Variants in DLGAP2 observed in about 807,000 individuals in gnomAD.
DLGAP2 encodes disks large-associated protein 2.
In DLGAP2, 26 loss-of-function variants were observed where a neutral mutation model predicts 100.3. That is an observed-to-expected ratio of 0.26 (90% confidence interval 0.19 to 0.36). The LOEUF is 0.36. DLGAP2 is among the 10% of genes least tolerant of loss of function. The pLI, the probability that DLGAP2 is intolerant of heterozygous loss-of-function variation, is 1.00. For missense variants in DLGAP2, 1,858 were observed against 1,453.2 expected (o/e 1.28, Z -4.53); for synonymous variants, 886 against 630.1 (o/e 1.41, Z -6.08).
intron 12 of DLGAP2, among the ~76,000 whole-genome samples, chr8:1,689,973 G>T (rs999347260): frequency 6.6e-6 from 1 of 152,326 alleles, no homozygotes; most frequent in South Asian, 2.1e-4. Flanking sequence ...GGTTCCAGTC[G>T]ATTCCTGTGT....
intron 2 of DLGAP2, among the ~76,000 whole-genome samples, chr8:946,082 G>A (rs544311427): frequency 5.5e-5 from 6 of 110,090 alleles, no homozygotes; most frequent in Admixed American, 5.4e-4. Context: ...CCTGTGCTCA[G>A]CACCCCCATT....
chr8:934,828 C>T (rs542937332), intron 2 of DLGAP2, among the ~76,000 whole-genome samples: 5 of 152,264 alleles, frequency 3.3e-5, no homozygotes, highest in South Asian at 2.1e-4. Flanking sequence ...ACAGATCAGA[C>T]GCACAGGTGT....
intron 2 of DLGAP2, among the ~76,000 whole-genome samples, chr8:973,093 G>T (rs1163866857): frequency 1.3e-5 from 2 of 152,172 alleles, no homozygotes; most frequent in Admixed American, 6.5e-5. Flanking sequence ...CGACAAAACC[G>T]CCATCGTCAT....
At chr8:1,562,480 G>T (rs145917424) in intron 5 of DLGAP2, among the ~76,000 whole-genome samples, 8 of 31,086 alleles carry the variant, frequency 2.6e-4, no homozygotes, top group Admixed American at 4.5e-4. Flanking sequence ...TTGGGGTGTC[G>T]GCGCCTCGTT....
intron 3 of DLGAP2, among the ~76,000 whole-genome samples, chr8:1,268,147 A>G (rs1799506199): frequency 1.3e-5 from 2 of 152,308 alleles, no homozygotes; most frequent in South Asian, 2.1e-4. Flanking sequence ...ATAATATCCA[A>G]TATCAGAGGT....
intron 1 of DLGAP2, among the ~76,000 whole-genome samples, chr8:836,069 A>T (rs941641732): frequency 6.6e-6 from 1 of 152,188 alleles, no homozygotes; most frequent in Non-Finnish European, 1.5e-5. Flanking sequence ...TGTAAAGGAC[A>T]CCCGCAGCCA....
chr8:1,045,963 A>G (rs1452468821), intron 2 of DLGAP2, among the ~76,000 whole-genome samples: 1 of 152,174 alleles, frequency 6.6e-6, no homozygotes, highest in Non-Finnish European at 1.5e-5. Flanking sequence ...TTCAAAGTGA[A>G]GGGGGCAAGA....
chr8:1,094,022 T>TCGCGGTGGGTGGAGGGAGGGCAGCTC (rs1804283884), intron 2 of DLGAP2, among the ~76,000 whole-genome samples: 2 of 148,898 alleles, frequency 1.3e-5, no homozygotes, highest in South Asian at 2.1e-4. Flanking sequence ...GAGGGCAGCT[T>TCGCGGTGGGTGGAGGGAGGGCAGCTC]CGCGGTGGGT....
intron 2 of DLGAP2, among the ~76,000 whole-genome samples, chr8:1,107,362 G>A (rs185070897): frequency 8.0e-4 from 122 of 152,310 alleles, no homozygotes; most frequent in South Asian, 7.3e-3. Context: ...CTGAGCCCCC[G>A]CACCCGGGCC....
intron 2 of DLGAP2, among the ~76,000 whole-genome samples, chr8:1,135,067 C>T (rs1032408255): frequency 6.6e-6 from 1 of 152,200 alleles, no homozygotes; most frequent in Non-Finnish European, 1.5e-5. Flanking sequence ...TTCCTCCATT[C>T]TTGTCACTGA....
chr8:948,418 A>G (rs1170511554), intron 2 of DLGAP2, among the ~76,000 whole-genome samples: 1 of 152,140 alleles, frequency 6.6e-6, no homozygotes, highest in Non-Finnish European at 1.5e-5. Flanking sequence ...GAAGCGGGCG[A>G]CAGGGTCCCA....
intron 2 of DLGAP2, among the ~76,000 whole-genome samples, chr8:1,241,291 C>T (rs1278470463): frequency 6.6e-6 from 1 of 151,808 alleles, no homozygotes; most frequent in African/African-American, 2.4e-5. Flanking sequence ...GTCTCATTCT[C>T]TCACATGGAG....
chr8:1,603,928 G>T (rs1796712864), intron 6 of DLGAP2, among the ~76,000 whole-genome samples: 1 of 152,068 alleles, frequency 6.6e-6, no homozygotes, highest in Non-Finnish European at 1.5e-5. Flanking sequence ...CTCCGTATGA[G>T]GAGTTTTCTG....
chr8:944,396 T>G (rs1420273063), intron 2 of DLGAP2, among the ~76,000 whole-genome samples: 1 of 151,906 alleles, frequency 6.6e-6, no homozygotes, highest in East Asian at 1.9e-4. Flanking sequence ...TCCCTGTGGG[T>G]GATCCAGCAG....
chr8:1,313,349 T>G (rs1800655893), intron 3 of DLGAP2, among the ~76,000 whole-genome samples: 1 of 152,208 alleles, frequency 6.6e-6, no homozygotes, highest in African/African-American at 2.4e-5. Flanking sequence ...AAAACAAATT[T>G]GTCTTCTTCA....
At chr8:1,238,378 G>A (rs1438788120) in intron 2 of DLGAP2, among the ~76,000 whole-genome samples, 1 of 27,970 alleles carries the variant, frequency 3.6e-5, no homozygotes, top group Admixed American at 3.4e-4. Context: ...ACGTGGCGCC[G>A]TGTCTAATTC....
At chr8:1,478,132 C>T (rs1431276798) in intron 3 of DLGAP2, among the ~76,000 whole-genome samples, 1 of 152,166 alleles carries the variant, frequency 6.6e-6, no homozygotes, top group East Asian at 1.9e-4. Context: ...TAATGAAATG[C>T]CCTCTGTTTT....
chr8:784,641 A>G (rs1821788366), intron 1 of DLGAP2, among the ~76,000 whole-genome samples: 1 of 152,214 alleles, frequency 6.6e-6, no homozygotes, highest in Admixed American at 6.5e-5. Context: ...AATGTACCCT[A>G]TCAAGATCTT....
intron 3 of DLGAP2, among the ~76,000 whole-genome samples, chr8:1,308,495 G>T (rs896910482): frequency 1.3e-5 from 2 of 152,116 alleles, no homozygotes; most frequent in African/African-American, 2.4e-5. Flanking sequence ...GGAAAGTATG[G>T]TCCATTCAGG....
Sources: allele counts gnomAD v4.1 joint callset (sites outside exome capture counted in the v4.1 genomes callset), GRCh38; gene constraint gnomAD v4.1.1; transcripts MANE v1.5; gene names NCBI Gene and HGNC (gene_info 2026-07-23, HGNC 2026-07-21).